Variants in CPXM2 observed in about 807,000 individuals in gnomAD.
The protein encoded by CPXM2 is inactive carboxypeptidase-like protein X2.
CPXM2 carries 66 observed loss-of-function variants against 86.1 expected under a neutral mutation model. The ratio of observed to expected loss-of-function variants is 0.77; its 90% CI spans 0.63 to 0.94. CPXM2 has a LOEUF of 0.94. CPXM2 is among the 40% of genes least tolerant of loss of function. The pLI is 0.00. For synonymous variants in CPXM2, 388 were observed against 400.2 expected (o/e 0.97, Z 0.36); for missense variants, 948 against 1,026.3 (o/e 0.92, Z 1.04).
At chr10:123,940,120 C>T (rs2134295155) in intron 1 of CPXM2, 2 of 152,484 alleles carry the variant, frequency 1.3e-5, no homozygotes, top group East Asian at 3.9e-4. Flanking sequence ...GGACCACAAC[C>T]CCTCCCCTGC....
intron 3 of CPXM2, among the ~76,000 whole-genome samples, chr10:123,862,082 A>G (rs1373214188): frequency 2.0e-5 from 3 of 152,206 alleles, no homozygotes; most frequent in Non-Finnish European, 4.4e-5. Flanking sequence ...TTGAGGCCCA[A>G]GGTCAGAAAG....
At chr10:123,898,775 G>A (rs1381664569) in intron 2 of CPXM2, among the ~76,000 whole-genome samples, 1 of 151,954 alleles carries the variant, frequency 6.6e-6, no homozygotes, top group Admixed American at 6.5e-5. Context: ...ATGGAGTTTC[G>A]CTCTTGTCGC....
chr10:123,776,184 T>C (rs551357065), intron 7 of CPXM2, among the ~76,000 whole-genome samples: 2 of 152,274 alleles, frequency 1.3e-5, no homozygotes, highest in South Asian at 4.2e-4. Context: ...CAAAATCCTA[T>C]TTCTTAATAT....
intron 11 of CPXM2, among the ~76,000 whole-genome samples, chr10:123,759,888 C>T (rs1399336326): frequency 6.6e-6 from 1 of 152,124 alleles, no homozygotes; most frequent in Non-Finnish European, 1.5e-5. Context: ...CCCTTGCTCT[C>T]AACTGGGCCA....
chr10:123,829,375 A>AAT lies in CPXM2; in HGVS notation c.653+12973_653+12974insAT, dbSNP rs1554882881. ...TGTGTATAACCAACGTGGAAAAAAAATTTTTTTTTTTTTTGAGACAGAGTC... is the reference window on the plus strand; with the variant it reads ...TGTGTATAACCAACGTGGAAAAAAAAATTTTTTTTTTTTTTTGAGACAGAGTC... On this transcript the variant is annotated intron_variant, in intron 4 of 13. Transcript: ENST00000241305. Among the ~76,000 whole-genome samples, 4 of 148,204 alleles carry AAT rather than the reference A, an allele frequency of 2.7e-5. No individual in the cohort carries two copies. In the East Asian group the frequency reaches 5.9e-4, roughly 22 times the overall value.
At chr10:123,822,678 T>C (rs1847953250) in intron 4 of CPXM2, among the ~76,000 whole-genome samples, 1 of 150,930 alleles carries the variant, frequency 6.6e-6, no homozygotes, top group Non-Finnish European at 1.5e-5. Flanking sequence ...CAAGAGAATA[T>C]GCAAATAATA....
intron 2 of CPXM2, among the ~76,000 whole-genome samples, chr10:123,869,713 C>G (rs1207063348): frequency 6.6e-6 from 1 of 152,210 alleles, no homozygotes; most frequent in Non-Finnish European, 1.5e-5. Context: ...CTCTTGCTAG[C>G]AGTCTCTGCA....
intron 10 of CPXM2, among the ~76,000 whole-genome samples, chr10:123,762,855 C>A (rs1846377391): frequency 6.6e-6 from 1 of 152,146 alleles, no homozygotes; most frequent in Admixed American, 6.5e-5. Context: ...TCGACAATGA[C>A]AAAGAACAGA....
intron 2 of CPXM2, among the ~76,000 whole-genome samples, chr10:123,902,032 C>T (rs918076474): frequency 2.6e-5 from 4 of 152,184 alleles, no homozygotes; most frequent in South Asian, 2.1e-4. Context: ...TAACCACTGT[C>T]GCAACCTGGA....
At chr10:123,849,437 CTTTTT>C (rs11317738) in intron 3 of CPXM2, among the ~76,000 whole-genome samples, 7 of 110,172 alleles carry the variant, frequency 6.4e-5, no homozygotes, top group African/African-American at 1.5e-4. Context: ...AACGTTCACT[CTTTTT>C]TTTTTTTTTT....
Position 123,746,757 on chromosome 10 carries a change from A to G in CPXM2, c.*7T>C, listed in dbSNP as rs1045547216. On this transcript the variant is annotated 3_prime_UTR_variant, in exon 14 of 14. Coordinates refer to ENST00000241305, the MANE Select transcript of CPXM2 (RefSeq NM_198148.3). ...GGTCCCAGACGAGTCTCAAGGGCCCAGGAGGGTCACCCACGCTGTCGTCTC... is the reference window on the plus strand; with the variant it reads ...GGTCCCAGACGAGTCTCAAGGGCCCGGGAGGGTCACCCACGCTGTCGTCTC... 6.2e-7 allele frequency: 1 copy of G among 1,613,808 alleles called. No homozygotes were observed. The highest frequency in any genetic ancestry group is 8.5e-7 in the Non-Finnish European group (1 of 1,179,908).
intron 1 of CPXM2, among the ~76,000 whole-genome samples, chr10:123,882,821 A>G (rs1285570127): frequency 3.2e-5 from 4 of 124,066 alleles, no homozygotes; most frequent in African/African-American, 1.2e-4. Context: ...AAAACCCCCA[A>G]CTCCACAGCC....
rs12414446 is a variant in CPXM2, at chr10:123,746,570, T to G, written c.*194A>C. ...TGCTGCTCTGTCCAAGTTATTTGGA[T>G]AAATGGGAACAAAGAAAAGAAAACA... is the stretch of plus-strand genomic sequence containing the variant. On this transcript the variant is annotated 3_prime_UTR_variant, in exon 14 of 14. Coordinates refer to ENST00000241305, the MANE Select transcript of CPXM2 (RefSeq NM_198148.3). 0.13 allele frequency: 81,811 copies of G among 620,550 alleles called. 6,115 individuals carry two copies. Among genetic ancestry groups the G allele is most frequent in the South Asian group, 0.23 (11,561 of 49,730 alleles). 38.4% of individuals were successfully genotyped at this position (620,550 alleles called of 1,614,324 possible). A position where few individuals can be genotyped will look rare whatever the true frequency, so the allele number is the denominator to read the frequency against.
At chr10:123,879,009 G>A (rs1366383765) in intron 2 of CPXM2, among the ~76,000 whole-genome samples, 7 of 152,152 alleles carry the variant, frequency 4.6e-5, no homozygotes, top group Admixed American at 3.9e-4. Context: ...TGCAGAATGC[G>A]CTCTCCCGGT....
rs1848967541 is a variant in CPXM2 at position 123,865,927 on chromosome 10, G to A, written c.404-3204C>T. On this transcript the variant is annotated intron_variant, in intron 2 of 13. Transcript: ENST00000241305. This position sits in a 1 kb window ranked among gnomAD's most constrained non-coding sequence, Gnocchi z 4.7. ...CCCTGGTCACTTTGTGGCCCTTTGG[G>A]ACTCCTCAGCCTCTTCTCCGTTTTT... Among the ~76,000 whole-genome samples, 1 of 151,972 alleles carries A rather than the reference G, an allele frequency of 6.6e-6. No homozygotes were observed. The highest frequency in any genetic ancestry group is 1.5e-5 in the Non-Finnish European group (1 of 68,002).
At chr10:123,918,820 G>T (rs2134276888) in intron 2 of CPXM2, among the ~76,000 whole-genome samples, 1 of 152,302 alleles carries the variant, frequency 6.6e-6, no homozygotes, top group African/African-American at 2.4e-5. Context: ...TGGAAAAGGG[G>T]TCCCTGTGGT....
chr10:123,911,018 C>T (rs982946577), intron 2 of CPXM2, among the ~76,000 whole-genome samples: 5 of 152,188 alleles, frequency 3.3e-5, no homozygotes, highest in African/African-American at 9.7e-5. Flanking sequence ...CCAAATTTCC[C>T]TCTTCTTATA....
At chr10:123,900,887 AT>A (rs935816825) in intron 2 of CPXM2, among the ~76,000 whole-genome samples, 4 of 151,816 alleles carry the variant, frequency 2.6e-5, no homozygotes, top group African/African-American at 9.7e-5. Context: ...AACCTAACAG[AT>A]TTTTTTTTCT....
chr10:123,791,848 G>T (rs1004407086), intron 6 of CPXM2, among the ~76,000 whole-genome samples: 1 of 152,204 alleles, frequency 6.6e-6, no homozygotes, highest in Non-Finnish European at 1.5e-5. Context: ...GCAGTCAGTC[G>T]TGGCGAGCCC....
Sources: allele counts gnomAD v4.1 joint callset (sites outside exome capture counted in the v4.1 genomes callset), GRCh38; gene constraint gnomAD v4.1.1; non-coding constraint Gnocchi (gnomAD v3.1); transcripts MANE v1.5; gene names NCBI Gene and HGNC (gene_info 2026-07-23, HGNC 2026-07-21).